PHTF1: variants seen among roughly 807,000 people sequenced by gnomAD.
The protein encoded by PHTF1 is putative homeodomain transcription factor 1.
PHTF1 carries 88 observed loss-of-function variants against 102.4 expected under a neutral mutation model. That is an observed-to-expected ratio of 0.86 (90% confidence interval 0.72 to 1.03). PHTF1 has a LOEUF of 1.03. PHTF1 is among the 50% of genes least tolerant of loss of function. PHTF1 has a pLI of 0.00. For synonymous variants in PHTF1, 289 were observed against 305.2 expected, an observed-to-expected ratio of 0.95 and a Z score of 0.55; for missense variants, 814 against 909.5, an observed-to-expected ratio of 0.89 and a Z score of 1.35.
chr1:113,706,363 A>C (rs1475545871), intron 12 of PHTF1, among the ~76,000 whole-genome samples: 1 of 152,198 alleles, frequency 6.6e-6, no homozygotes, highest in Non-Finnish European at 1.5e-5. Context: ...ATACCTGAAC[A>C]GTTGATTATG....
intron 5 of PHTF1, among the ~76,000 whole-genome samples, chr1:113,727,279 A>G (rs1296428437): frequency 6.6e-6 from 1 of 152,212 alleles, no homozygotes; most frequent in Non-Finnish European, 1.5e-5. Context: ...TACCCAGACA[A>G]TAAACTATAG....
In PHTF1 at chr1:113,732,224, G is replaced by A. The variant is rs914808046; in HGVS notation, c.332-5650C>T. Among the ~76,000 whole-genome samples the A allele has an allele frequency of 7.9e-5, 12 of 152,166 alleles. No individual in the cohort carries two copies. In the South Asian group the frequency reaches 1.2e-3, roughly 16 times the overall value. ...ATAATGAAGAAATACTTGGCCAGGC[G>A]CGGTGGCTCAGGCCTGTAATCCCAG... On this transcript the variant is annotated intron_variant, in intron 5 of 18. Coordinates refer to ENST00000369604, the MANE Select transcript of PHTF1 (RefSeq NM_001323043.2).
chr1:113,722,573 A>G (rs1653129711), intron 7 of PHTF1, among the ~76,000 whole-genome samples: 2 of 152,140 alleles, frequency 1.3e-5, no homozygotes, highest in Admixed American at 1.3e-4. Context: ...CCCTATAAAA[A>G]TAACAATGAC....
In PHTF1 at chr1:113,701,826, T is replaced by TAAAAAAAA. The variant is rs34844793; in HGVS notation, c.1891-885_1891-878dup. Among the ~76,000 whole-genome samples the TAAAAAAAA allele has an allele frequency of 2.0e-3, 55 of 27,996 alleles. 1 individual carries two copies. The highest frequency in any genetic ancestry group is 4.8e-3 in the African/African-American group (33 of 6,868). The allele number at this position is 27,996 out of a possible 152,430, so 18.4% of individuals were successfully genotyped here. ...TGGCAACCTGGAATTCAATTCCTGG[T>TAAAAAAAA]AAAAAAAAAAAAAAAAAAAAAAAAA... On this transcript the variant is annotated intron_variant, in intron 15 of 18. Transcript: ENST00000369604.
chr1:113,724,230 A>G (rs950653205), intron 7 of PHTF1, among the ~76,000 whole-genome samples: 2 of 152,172 alleles, frequency 1.3e-5, no homozygotes, highest in African/African-American at 2.4e-5. Flanking sequence ...ATAAAGAAAA[A>G]TAGAACTACC....
Position 113,713,346 on chromosome 1 carries a change from C to T in PHTF1, c.716G>A (p.Arg239Gln), listed in dbSNP as rs760764977. 5.6e-6 allele frequency: 9 copies of T among 1,612,556 alleles called. No homozygotes were observed. Among genetic ancestry groups the T allele is most frequent in the Middle Eastern group, 3.3e-4 (2 of 6,060 alleles). Residue 239 changes from arginine to glutamine, a missense_variant, in exon 8 of 19, where the codon CGA (arginine) becomes CAA (glutamine). Arg to Gln is a conservative substitution (Grantham distance 43). Transcript: ENST00000369604. ...VHPIIKRRQC[R>Q]PEIRMWQTRE... is the part of the protein sequence containing the mutation. ...TGTTTGCCACATTCTAATCTCTGGTCGACATTGTCTCCTCTTAATGATAGG... is the reference window on the plus strand; with the variant it reads ...TGTTTGCCACATTCTAATCTCTGGTTGACATTGTCTCCTCTTAATGATAGG...
rs762998847 is a variant in PHTF1 at position 113,726,588 on chromosome 1, GT to G, written c.332-15del. 2.7e-6 allele frequency: 4 copies of G among 1,491,746 alleles called. No individual in the cohort carries two copies. In the African/African-American group the frequency reaches 5.7e-5, roughly 21 times the overall value. The allele number at this position is 1,491,746 out of a possible 1,614,324, so 92.4% of individuals were successfully genotyped here. A position where few individuals can be genotyped will look rare whatever the true frequency, so the allele number is the denominator to read the frequency against. ...CAATTGCTATAACTGAAAAGAAGAG[GT>G]TTTAAGATGTAAAACATTAGAGCTC... On this transcript the variant is annotated splice_polypyrimidine_tract_variant and intron_variant, in intron 5 of 18. Coordinates refer to ENST00000369604, the MANE Select transcript of PHTF1 (RefSeq NM_001323043.2).
intron 6 of PHTF1, chr1:113,725,816 A>T (rs1653737290): frequency 6.5e-6 from 1 of 152,968 alleles, no homozygotes; most frequent in Non-Finnish European, 1.5e-5. Context: ...TCAAAAAAAA[A>T]AATTAGCTGG....
At chr1:113,698,655 A>ACACG (rs1557899712) in intron 17 of PHTF1, among the ~76,000 whole-genome samples, 2 of 151,482 alleles carry the variant, frequency 1.3e-5, no homozygotes, top group African/African-American at 4.9e-5. Context: ...ACACACACAC[A>ACACG]CACATACACA....
In PHTF1 at chr1:113,724,743, T is replaced by TA. The variant is rs1653553306; in HGVS notation, c.623+15dup. The TA allele has an allele frequency of 3.2e-6, 5 of 1,584,230 alleles. No homozygotes were observed. The highest frequency in any genetic ancestry group is 3.4e-6 in the Non-Finnish European group (4 of 1,168,348). On this transcript the variant is annotated intron_variant, in intron 7 of 18. Transcript: ENST00000369604. Reference sequence around the variant, plus strand: ...AACACTACGTGAATACAAAATCAAGTAAAAAAGACTCCCACCTGTTGCCAA... The same window carrying TA: ...AACACTACGTGAATACAAAATCAAGTAAAAAAAGACTCCCACCTGTTGCCAA...
intron 7 of PHTF1, among the ~76,000 whole-genome samples, chr1:113,724,470 G>C (rs1329917362): frequency 2.0e-5 from 3 of 151,444 alleles, no homozygotes; most frequent in African/African-American, 7.3e-5. Flanking sequence ...GAACTCAAGA[G>C]GCAGAGGTTG....
chr1:113,735,073 A>C (rs1242324810), intron 5 of PHTF1, among the ~76,000 whole-genome samples: 1 of 152,068 alleles, frequency 6.6e-6, no homozygotes, highest in Non-Finnish European at 1.5e-5. Context: ...TGGACTATTA[A>C]AAGCTATATA....
chr1:113,758,160 G>A (rs1044719046), intron 2 of PHTF1, among the ~76,000 whole-genome samples: 1 of 150,004 alleles, frequency 6.7e-6, no homozygotes, highest in Admixed American at 6.7e-5. Context: ...GAGCCCGGGA[G>A]GCGGAGCTTG....
intron 7 of PHTF1, 26 bp downstream of exon 7, chr1:113,724,733 C>T (rs572100225): frequency 1.4e-5 from 22 of 1,575,772 alleles, no homozygotes; most frequent in Non-Finnish European, 1.9e-5. Context: ...TACGTGAATA[C>T]AAAATCAAGT....
chr1:113,712,940 C>T (rs1415904671), intron 8 of PHTF1, among the ~76,000 whole-genome samples: 17 of 152,056 alleles, frequency 1.1e-4, no homozygotes, highest in African/African-American at 3.6e-4. Flanking sequence ...TACAGGCGCC[C>T]GCCAACACGC....
In PHTF1 at chr1:113,704,764, T is replaced by C; in HGVS notation, c.1705A>G (p.Thr569Ala). ...FLFAKLFSHI[T>A]SARKARKYEI... ...TATTTCCTAGCTTTCCTGGCAGAAG[T>C]AATATGGCTGAAGAGTTTTGCAAAT... The change falls in exon 14 of 19, where the codon ACT becomes GCT. Residue 569 changes from threonine (T) to alanine (A), a missense_variant. Thr to Ala is a moderately conservative substitution (Grantham distance 58). Coordinates refer to ENST00000369604, the MANE Select transcript of PHTF1 (RefSeq NM_001323043.2). 6.3e-7 allele frequency: 1 copy of C among 1,595,188 alleles called. No individual in the cohort carries two copies. The highest frequency in any genetic ancestry group is 8.6e-7 in the Non-Finnish European group (1 of 1,164,096).
intron 1 of PHTF1, 36 bp downstream of exon 1, chr1:113,758,987 A>ACCCGCCTCCTTCGCTCGCCC: frequency 1.9e-6 from 2 of 1,053,346 alleles, no homozygotes; most frequent in Non-Finnish European, 1.1e-6. Flanking sequence ...GTCGCCCGGC[A>ACCCGCCTCCTTCGCTCGCCC]CCCGCCTCCT....
At chr1:113,744,974 GA>G (rs1375697002) in intron 3 of PHTF1, among the ~76,000 whole-genome samples, 1 of 148,952 alleles carries the variant, frequency 6.7e-6, no homozygotes, top group African/African-American at 2.5e-5. Context: ...AAGGGAAGGG[GA>G]GGGGAGTTGG....
intron 7 of PHTF1, among the ~76,000 whole-genome samples, chr1:113,722,301 C>T (rs951344045): frequency 4.0e-5 from 6 of 151,388 alleles, no homozygotes; most frequent in East Asian, 4.0e-4. Flanking sequence ...TAGCCGGGCA[C>T]GGTGGCGGGT....
Sources: gnomAD v4.1 joint callset for allele counts (sites outside exome capture counted in the v4.1 genomes callset) on GRCh38, gnomAD v4.1.1 for gene constraint, MANE v1.5 for transcripts, NCBI Gene and HGNC (gene_info 2026-07-23, HGNC 2026-07-21) for gene names.